RNGTT: variants seen among roughly 807,000 people sequenced by gnomAD.
RNGTT encodes RNA guanylyltransferase and 5'-phosphatase.
RNGTT carries 33 observed loss-of-function variants against 79.3 expected under a neutral mutation model. That is an observed-to-expected ratio of 0.42 (90% CI 0.32 to 0.56). RNGTT has a LOEUF of 0.56. Among genes scored for constraint, RNGTT ranks in the 20% least tolerant of loss-of-function variants. RNGTT has a pLI of 0.17. For synonymous variants in RNGTT, 222 were observed against 235.9 expected, an observed-to-expected ratio of 0.94 and a Z score of 0.54; for missense variants, 497 against 739.1, an observed-to-expected ratio of 0.67 and a Z score of 3.80.
At chr6:88,873,727 A>G (rs1305149582) in intron 8 of RNGTT, among the ~76,000 whole-genome samples, 1 of 152,058 alleles carries the variant, frequency 6.6e-6, no homozygotes, top group East Asian at 1.9e-4. Context: ...GACTTTTATA[A>G]TGGGGAAACA....
At chr6:88,806,319 T>TA in intron 11 of RNGTT, among the ~76,000 whole-genome samples, 1 of 134,204 alleles carries the variant, frequency 7.5e-6, no homozygotes, top group South Asian at 2.4e-4. Context: ...AGGAACACGC[T>TA]TTTTTTTTTT....
At chr6:88,646,543 C>T (rs957188301) in intron 14 of RNGTT, among the ~76,000 whole-genome samples, 58 of 152,256 alleles carry the variant, frequency 3.8e-4, no homozygotes, top group Non-Finnish European at 5.4e-4. Flanking sequence ...CACATGCACA[C>T]CTATGTTTAT....
In RNGTT at chr6:88,614,334, CTGT is replaced by C. The variant is rs761726624; in HGVS notation, c.1565_1567del (p.Asn522del). The C allele has an allele frequency of 6.2e-7, 1 of 1,613,620 alleles. No individual in the cohort carries two copies. The highest frequency in any genetic ancestry group is 1.1e-5 in the South Asian group (1 of 91,058). ...TGTTCTCTGTCTCATGAAGACCCAG[CTGT>C]TGTTCTCAAATTTGCATTCTATAAT... is the stretch of plus-strand genomic sequence containing the variant. On this transcript the variant is annotated inframe_deletion, in exon 15 of 16. Transcript: ENST00000369485.
intron 14 of RNGTT, among the ~76,000 whole-genome samples, chr6:88,626,909 G>A (rs1582249171): frequency 6.6e-6 from 1 of 151,930 alleles, no homozygotes; most frequent in East Asian, 1.9e-4. Context: ...CAAACTCTAC[G>A]GCATAATATA....
chr6:88,793,116 AAGG>A (rs1210446582), intron 12 of RNGTT, among the ~76,000 whole-genome samples: 1 of 152,210 alleles, frequency 6.6e-6, no homozygotes, highest in Non-Finnish European at 1.5e-5. Context: ...AATATGATGA[AAGG>A]TACATATTAG....
chr6:88,654,366 C>T (rs920811745), intron 14 of RNGTT, among the ~76,000 whole-genome samples: 2 of 152,088 alleles, frequency 1.3e-5, no homozygotes, highest in African/African-American at 4.8e-5. Flanking sequence ...GATTTCATTC[C>T]TTTCTCTCAA....
chr6:88,647,898 G>T (rs1365086629), intron 14 of RNGTT, among the ~76,000 whole-genome samples: 1 of 151,502 alleles, frequency 6.6e-6, no homozygotes, highest in Non-Finnish European at 1.5e-5. Context: ...ACAAAACAAC[G>T]ATGAAAATAC....
intron 11 of RNGTT, among the ~76,000 whole-genome samples, chr6:88,808,707 C>A (rs1254876856): frequency 6.6e-6 from 1 of 152,070 alleles, no homozygotes; most frequent in African/African-American, 2.4e-5. Context: ...CCCAGGAGTT[C>A]AAGACCAGCC....
chr6:88,712,704 C>A (rs1776359990), intron 13 of RNGTT, among the ~76,000 whole-genome samples: 1 of 152,124 alleles, frequency 6.6e-6, no homozygotes, highest in Admixed American at 6.5e-5. Context: ...CAAACTGAGT[C>A]ATTTTAAAGA....
intron 2 of RNGTT, among the ~76,000 whole-genome samples, chr6:88,930,824 G>A (rs1784494217): frequency 6.6e-6 from 1 of 152,082 alleles, no homozygotes; most frequent in African/African-American, 2.4e-5. Context: ...GGAAGCAGAA[G>A]CAATACAAGG....
At chr6:88,627,733 C>T (rs1209746361) in intron 14 of RNGTT, among the ~76,000 whole-genome samples, 2 of 152,042 alleles carry the variant, frequency 1.3e-5, no homozygotes, top group African/African-American at 2.4e-5. Flanking sequence ...TTACAGGCAC[C>T]GAAGACCACA....
intron 2 of RNGTT, 103 bp from the exon 3 acceptor site, chr6:88,929,370 G>A: frequency 1.4e-6 from 1 of 697,738 alleles, no homozygotes. Context: ...TTTACATTGA[G>A]GGAGATTCTG....
chr6:88,807,081 G>A (rs1173845123), intron 11 of RNGTT, among the ~76,000 whole-genome samples: 1 of 152,140 alleles, frequency 6.6e-6, no homozygotes, highest in Non-Finnish European at 1.5e-5. Flanking sequence ...ACACACACCA[G>A]GCACCTGTGG....
Position 88,793,037 on chromosome 6 carries a change from T to C in RNGTT, c.1338+8527A>G, listed in dbSNP as rs544828840. ...ACTAGGATGGGTAGACATGTGATTA[T>C]GTACCACATCCTTCTTACAGCCAGA... On this transcript the variant is annotated intron_variant, in intron 12 of 15. Coordinates refer to ENST00000369485, the MANE Select transcript of RNGTT (RefSeq NM_003800.5). Among the ~76,000 whole-genome samples the C allele has an allele frequency of 5.9e-5, 9 of 152,348 alleles. 1 individual carries two copies. The East Asian group carries it at 1.7e-3, about 29-fold the overall frequency.
Position 88,818,057 on chromosome 6 carries a change from C to A in RNGTT, c.1270-16425G>T, listed in dbSNP as rs117378760. On this transcript the variant is annotated intron_variant, in intron 11 of 15. Transcript: ENST00000369485. Reference sequence around the variant, plus strand: ...TACAGGCGTGAGCCACCGCGCCCGGCCTATTCACATCATTTTAAAATCATT... The same window carrying A: ...TACAGGCGTGAGCCACCGCGCCCGGACTATTCACATCATTTTAAAATCATT... 7.3e-3 allele frequency among the ~76,000 whole-genome samples: 1,112 copies of A among 151,936 alleles called. 27 individuals are homozygous for A. In the East Asian group the frequency reaches 0.079, roughly 11 times the overall value.
chr6:88,813,887 C>T (rs1161971745), intron 11 of RNGTT, among the ~76,000 whole-genome samples: 1 of 152,300 alleles, frequency 6.6e-6, no homozygotes, highest in Non-Finnish European at 1.5e-5. Context: ...TCAGGAATCA[C>T]ATCTTACATT....
At chr6:88,653,737 A>G (rs1408916776) in intron 14 of RNGTT, among the ~76,000 whole-genome samples, 1 of 152,202 alleles carries the variant, frequency 6.6e-6, no homozygotes, top group Non-Finnish European at 1.5e-5. Flanking sequence ...GAAAACAAAA[A>G]ACAAAGCCCA....
intron 13 of RNGTT, among the ~76,000 whole-genome samples, chr6:88,713,837 A>C (rs567560012): frequency 1.3e-5 from 2 of 152,220 alleles, no homozygotes; most frequent in African/African-American, 2.4e-5. Context: ...TCAGACTGAA[A>C]AATTAGATAT....
At chr6:88,806,134 T>A (rs1219677779) in intron 11 of RNGTT, among the ~76,000 whole-genome samples, 1 of 152,056 alleles carries the variant, frequency 6.6e-6, no homozygotes, top group Non-Finnish European at 1.5e-5. Context: ...GACGTCTAAT[T>A]TAAAAATTCT....
Sources: gnomAD v4.1 joint callset for allele counts (sites outside exome capture counted in the v4.1 genomes callset) on GRCh38, gnomAD v4.1.1 for gene constraint, MANE v1.5 for transcripts, NCBI Gene and HGNC (gene_info 2026-07-23, HGNC 2026-07-21) for gene names.